The following JAK1 variants were observed in gnomAD, a reference collection of about 807,000 sequenced individuals.
The protein encoded by JAK1 is tyrosine-protein kinase JAK1.
A neutral mutation model predicts 136.6 loss-of-function variants in JAK1; 16 were observed. That is an observed-to-expected ratio of 0.12 (90% CI 0.08 to 0.18). The LOEUF (loss-of-function observed/expected upper bound fraction) is 0.18. JAK1 is among the 10% of genes least tolerant of loss of function. The pLI is 1.00. For missense variants in JAK1, 859 were observed against 1,450.1 expected (o/e 0.59, Z 6.62); for synonymous variants, 492 against 519.5 (o/e 0.95, Z 0.72).
chr1:64,998,397 T>C (rs1646722525), intron 2 of JAK1, among the ~76,000 whole-genome samples: 1 of 152,260 alleles, frequency 6.6e-6, no homozygotes, highest in African/African-American at 2.4e-5. Context: ...AAAATGTCTT[T>C]CATTGAGTAC....
intron 1 of JAK1, among the ~76,000 whole-genome samples, chr1:64,911,252 T>C (rs905723640): frequency 6.6e-6 from 1 of 152,130 alleles, no homozygotes; most frequent in Non-Finnish European, 1.5e-5. Flanking sequence ...AGATTAATAG[T>C]AAACAATAGA....
At chr1:65,023,000 C>G (rs1480953474) in intron 2 of JAK1, 1 of 152,086 alleles carries the variant, frequency 6.6e-6, no homozygotes. Context: ...TTTTTCCTGT[C>G]ATCCTTACAC....
chr1:64,980,737 C>T (rs547403281), intron 2 of JAK1, among the ~76,000 whole-genome samples: 111 of 151,800 alleles, frequency 7.3e-4, no homozygotes, highest in African/African-American at 2.5e-3. Context: ...CCCTACCCCA[C>T]GACAGGCCCT....
chr1:64,852,901 T>C (rs188698), intron 11 of JAK1, among the ~76,000 whole-genome samples: 60,702 of 151,968 alleles, frequency 0.4, 13,243 homozygotes, highest in African/African-American at 0.58. Context: ...CTGTCATCAT[T>C]CTTCCTGTAT....
chr1:64,842,020 T>C (rs923961114), intron 17 of JAK1, among the ~76,000 whole-genome samples: 23 of 152,222 alleles, frequency 1.5e-4, no homozygotes, highest in South Asian at 2.1e-4. Flanking sequence ...CACTGGAAAT[T>C]TGAAAACTTA....
Position 65,008,253 on chromosome 1 carries a change from C to T in JAK1, c.-78+36227G>A, listed in dbSNP as rs372043777. Among the ~76,000 whole-genome samples, 20 of 152,126 alleles carry T rather than the reference C, an allele frequency of 1.3e-4. 1 individual carries two copies. Among genetic ancestry groups the T allele is most frequent in the Admixed American group, 3.3e-4 (5 of 15,280 alleles). ...GAGCAGGAAAGCAAGGAGAAAAGCCCGGGCAAAAGCCTGAAGGCAGAAATG... is the reference window on the plus strand; with the variant it reads ...GAGCAGGAAAGCAAGGAGAAAAGCCTGGGCAAAAGCCTGAAGGCAGAAATG... On this transcript the variant is annotated intron_variant, in intron 2 of 25. Coordinates refer to the JAK1 transcript ENST00000671954.
intron 1 of JAK1, among the ~76,000 whole-genome samples, chr1:65,064,859 CT>C: frequency 6.6e-6 from 1 of 152,274 alleles, no homozygotes; most frequent in South Asian, 2.1e-4. Flanking sequence ...CTGAAACGTG[CT>C]TGTTATTGTT....
chr1:64,893,774 C>T (rs1644973960), intron 1 of JAK1, among the ~76,000 whole-genome samples: 1 of 152,180 alleles, frequency 6.6e-6, no homozygotes, highest in Admixed American at 6.5e-5. Flanking sequence ...TAACATAGCT[C>T]ATTTTTTATT....
rs1326178204 is a variant in JAK1, at chr1:64,833,892, A to G, written c.*670T>C. ...AGAATTAACATGCAGCAAATTATCT[A>G]TTCCACAGCTATCCCCCCATGTAGA... On this transcript the variant is annotated 3_prime_UTR_variant, in exon 25 of 25. Transcript: ENST00000342505. The G allele has an allele frequency of 1.3e-5, 3 of 232,878 alleles. No homozygotes were observed. Among genetic ancestry groups the G allele is most frequent in the Non-Finnish European group, 2.5e-5 (3 of 117,782 alleles). The allele number at this position is 232,878 out of a possible 1,614,324, so 14.4% of individuals were successfully genotyped here.
intron 1 of JAK1, among the ~76,000 whole-genome samples, chr1:65,066,464 T>C (rs575924087): frequency 3.3e-5 from 5 of 152,104 alleles, no homozygotes; most frequent in Non-Finnish European, 5.9e-5. Flanking sequence ...AATGGGAGAA[T>C]GAAGGGGGAG....
intron 1 of JAK1, among the ~76,000 whole-genome samples, chr1:65,056,485 G>A (rs1346871343): frequency 2.0e-5 from 3 of 152,154 alleles, no homozygotes; most frequent in African/African-American, 7.2e-5. Context: ...GGATAAGAAA[G>A]AACCTCTCTG....
intron 1 of JAK1, among the ~76,000 whole-genome samples, chr1:64,908,528 T>C (rs1167323176): frequency 6.6e-6 from 1 of 152,200 alleles, no homozygotes; most frequent in Non-Finnish European, 1.5e-5. Flanking sequence ...AAATTAGTGC[T>C]TTTGGGAGAA....
chr1:65,041,606 C>T (rs1306677860), intron 2 of JAK1, among the ~76,000 whole-genome samples: 9 of 152,202 alleles, frequency 5.9e-5, no homozygotes, highest in Non-Finnish European at 1.2e-4. Flanking sequence ...TGTACACAGA[C>T]ATTTCACAGG....
intron 1 of JAK1, chr1:64,941,877 G>A (rs951223630): frequency 2.6e-5 from 4 of 152,148 alleles, no homozygotes; most frequent in African/African-American, 9.7e-5. Flanking sequence ...GGAAGATTAG[G>A]CAGGTGTGGT....
chr1:65,046,214 G>A (rs1345016957), intron 1 of JAK1, among the ~76,000 whole-genome samples: 2 of 152,204 alleles, frequency 1.3e-5, no homozygotes, highest in African/African-American at 4.8e-5. Context: ...TCCCACTAGA[G>A]TTCAACAATA....
intron 4 of JAK1, among the ~76,000 whole-genome samples, chr1:64,874,454 C>T (rs552912803): frequency 6.6e-6 from 1 of 152,044 alleles, no homozygotes; most frequent in Admixed American, 6.5e-5. Flanking sequence ...ATTGGTAAGG[C>T]TTCCAGTCAA....
Position 64,984,727 on chromosome 1 carries a change from T to C in JAK1, c.-78+59753A>G. ...AAGGCCTATGTGATATCCTTGAAAG[T>C]CCTGTAACACATCTCAGGGACTTTG... is the stretch of plus-strand genomic sequence containing the variant. On this transcript the variant is annotated intron_variant, in intron 2 of 25. Coordinates refer to the JAK1 transcript ENST00000671954. This position sits in a 1 kb window ranked among gnomAD's most constrained non-coding sequence, Gnocchi z 4.1. The C allele has an allele frequency of 1.2e-6, 1 of 817,680 alleles. No homozygotes were observed. The highest frequency in any genetic ancestry group is 2.3e-5 in the Admixed American group (1 of 43,814). The allele number at this position is 817,680 out of a possible 1,614,324, so 50.7% of individuals were successfully genotyped here.
intron 1 of JAK1, among the ~76,000 whole-genome samples, chr1:64,949,985 A>G (rs1313727729): frequency 6.6e-6 from 1 of 152,250 alleles, no homozygotes; most frequent in African/African-American, 2.4e-5. Context: ...AAAATAGAAT[A>G]AAAAAGTTTA....
chr1:64,865,985 C>T (rs1656679244), intron 7 of JAK1, among the ~76,000 whole-genome samples: 1 of 152,166 alleles, frequency 6.6e-6, no homozygotes, highest in Non-Finnish European at 1.5e-5. Flanking sequence ...GGCTCAAACT[C>T]CTCGGCTCAA....
Sources: allele counts gnomAD v4.1 joint callset (sites outside exome capture counted in the v4.1 genomes callset), GRCh38; gene constraint gnomAD v4.1.1; non-coding constraint Gnocchi (gnomAD v3.1); transcripts MANE v1.5; gene names NCBI Gene and HGNC (gene_info 2026-07-23, HGNC 2026-07-21).